The following AUTS2 variants were observed in gnomAD, a reference collection of about 807,000 sequenced individuals.
AUTS2 encodes activator of transcription and developmental regulator AUTS2.
A neutral mutation model predicts 112.4 loss-of-function variants in AUTS2; 17 were observed. The observed-to-expected ratio is 0.15, with a 90% CI of 0.10 to 0.23. The LOEUF is 0.23. Ranked by LOEUF, AUTS2 falls within the 10% of genes least tolerant of loss-of-function variation. The pLI is 1.00. For synonymous variants in AUTS2, 751 were observed against 702.7 expected (o/e 1.07, Z -1.09); for missense variants, 1,510 against 1,701.6 (o/e 0.89, Z 1.98).
intron 1 of AUTS2, among the ~76,000 whole-genome samples, chr7:69,722,012 G>C (rs1034583987): frequency 4.2e-5 from 6 of 142,832 alleles, no homozygotes; most frequent in Non-Finnish European, 9.2e-5. Context: ...GGGAAGCAGG[G>C]AAGTAGCAAT....
intron 1 of AUTS2, among the ~76,000 whole-genome samples, chr7:69,722,901 C>G (rs1799037787): frequency 6.6e-6 from 1 of 151,936 alleles, no homozygotes; most frequent in African/African-American, 2.4e-5. Flanking sequence ...CTACTCACAC[C>G]CATTTCCAGA....
chr7:70,524,247 T>C lies in AUTS2; in HGVS notation c.690+88466T>C, dbSNP rs150813076. Among the ~76,000 whole-genome samples, 1,464 of 152,302 alleles carry C rather than the reference T, an allele frequency of 9.6e-3. 16 individuals are homozygous for C. The highest frequency in any genetic ancestry group is 0.034 in the African/African-American group (1,401 of 41,558). On this transcript the variant is annotated intron_variant, in intron 5 of 18. Coordinates refer to ENST00000342771, the MANE Select transcript of AUTS2 (RefSeq NM_015570.4). ...CAGATGATCCAGTACAATCTTCACATTTTCCAGAGGCCTGGAAGTATTTCC... is the reference window on the plus strand; with the variant it reads ...CAGATGATCCAGTACAATCTTCACACTTTCCAGAGGCCTGGAAGTATTTCC...
intron 1 of AUTS2, among the ~76,000 whole-genome samples, chr7:69,766,109 C>G (rs574084878): frequency 6.6e-6 from 1 of 152,190 alleles, no homozygotes. Context: ...CGCCCATTCT[C>G]TGTTCTTCTT....
chr7:69,733,916 G>A (rs964492585), intron 1 of AUTS2, among the ~76,000 whole-genome samples: 3 of 152,108 alleles, frequency 2.0e-5, no homozygotes, highest in Non-Finnish European at 4.4e-5. Context: ...TTATGTTAAA[G>A]TCAGCGTAGT....
intron 2 of AUTS2, among the ~76,000 whole-genome samples, chr7:69,949,010 T>G (rs1796926409): frequency 6.6e-6 from 1 of 152,084 alleles, no homozygotes; most frequent in Non-Finnish European, 1.5e-5. Flanking sequence ...TTTCACCATG[T>G]TGGCCAGGCT....
intron 2 of AUTS2, among the ~76,000 whole-genome samples, chr7:69,985,508 T>A (rs917763728): frequency 6.6e-6 from 1 of 152,224 alleles, no homozygotes; most frequent in Admixed American, 6.5e-5. Flanking sequence ...CTTAAGATCC[T>A]CTAGGGCTTC....
chr7:70,513,619 T>C (rs1415303341), intron 5 of AUTS2, among the ~76,000 whole-genome samples: 1 of 152,134 alleles, frequency 6.6e-6, no homozygotes, highest in Non-Finnish European at 1.5e-5. Flanking sequence ...AACCCCCTTA[T>C]TAAGAGGAAG....
At chr7:69,763,009 G>T (rs1788261381) in intron 1 of AUTS2, among the ~76,000 whole-genome samples, 1 of 152,152 alleles carries the variant, frequency 6.6e-6, no homozygotes, top group Non-Finnish European at 1.5e-5. Flanking sequence ...ATACAAGCCT[G>T]TTAATCAAGT....
chr7:69,766,809 C>T (rs1308023800), intron 1 of AUTS2, among the ~76,000 whole-genome samples: 2 of 152,212 alleles, frequency 1.3e-5, no homozygotes, highest in Non-Finnish European at 2.9e-5. Context: ...TGCTCATCAG[C>T]TGGTGCCATG....
chr7:70,709,041 C>A (rs1161347100), intron 6 of AUTS2, among the ~76,000 whole-genome samples: 1 of 151,774 alleles, frequency 6.6e-6, no homozygotes, highest in Admixed American at 6.6e-5. Context: ...CCTCAGCCTC[C>A]CGAGTAGCTG....
chr7:70,283,092 T>C (rs1308762727), intron 4 of AUTS2, among the ~76,000 whole-genome samples: 1 of 152,180 alleles, frequency 6.6e-6, no homozygotes, highest in Admixed American at 6.5e-5. Flanking sequence ...AGCTACTGTT[T>C]GTACCATTCA....
chr7:70,787,502 C>T (rs370404743), intron 18 of AUTS2, 71 bp downstream of exon 18: 2 of 1,123,478 alleles, frequency 1.8e-6, no homozygotes, highest in African/African-American at 1.6e-5. Flanking sequence ...TGGAACTGGC[C>T]GCCCACCCTC....
At chr7:70,720,546 T>TAA (rs1786578400) in intron 6 of AUTS2, among the ~76,000 whole-genome samples, 1 of 152,162 alleles carries the variant, frequency 6.6e-6, no homozygotes, top group East Asian at 1.9e-4. Context: ...GATCTTTTTA[T>TAA]TGTACATATG....
intron 5 of AUTS2, among the ~76,000 whole-genome samples, chr7:70,693,406 C>T (rs998240324): frequency 4.6e-5 from 7 of 152,300 alleles, no homozygotes; most frequent in African/African-American, 1.7e-4. Context: ...ACAGGCTCCA[C>T]TTTTGTGGAT....
In AUTS2 at chr7:70,787,231, C is replaced by T. The variant is rs1791561594; in HGVS notation, c.2331C>T (p.His777=). Residue 777 remains histidine, a synonymous_variant, in exon 18 of 19, where the codon CAC becomes CAT. Coordinates refer to ENST00000342771, the MANE Select transcript of AUTS2 (RefSeq NM_015570.4). ...PSVTPNSMFG[H]KDGPSVQNFS... ...CAGCACCCAACTCAATGTTCGGCCACAAGGATGGCCCCAGTGTGCAGAACT... is the reference window on the plus strand; with the variant it reads ...CAGCACCCAACTCAATGTTCGGCCATAAGGATGGCCCCAGTGTGCAGAACT... The T allele has an allele frequency of 1.2e-6, 2 of 1,614,222 alleles. No homozygotes were observed. The highest frequency in any genetic ancestry group is 1.7e-6 in the Non-Finnish European group (2 of 1,180,038).
intron 4 of AUTS2, among the ~76,000 whole-genome samples, chr7:70,362,628 C>G (rs564717639): frequency 6.6e-6 from 1 of 152,040 alleles, no homozygotes; most frequent in African/African-American, 2.4e-5. Flanking sequence ...CCCTCCCTCC[C>G]TCTCTCCTTC....
intron 2 of AUTS2, among the ~76,000 whole-genome samples, chr7:69,936,049 G>A (rs1473496052): frequency 6.6e-6 from 1 of 152,178 alleles, no homozygotes; most frequent in South Asian, 2.1e-4. Flanking sequence ...TCACAATTTA[G>A]GAATTAATTT....
Position 70,790,713 on chromosome 7 carries a change from G to A in AUTS2, c.3497G>A (p.Arg1166Gln), listed in dbSNP as rs376868075. Reference sequence around the variant, plus strand: ...CTCAGAGAAGACTACGAGCACACGCGGCTCCACTCCGTGCACCCCGCCTCC... The same window carrying A: ...CTCAGAGAAGACTACGAGCACACGCAGCTCCACTCCGTGCACCCCGCCTCC... ...HMLREDYEHTRLHSVHPASLD... is the reference protein window; with the variant it reads ...HMLREDYEHTQLHSVHPASLD... The change falls in exon 19 of 19, where the codon CGG becomes CAG. Residue 1166 changes from arginine to glutamine, a missense_variant. Physicochemically the swap from Arg to Gln is conservative, Grantham distance 43. Coordinates refer to ENST00000342771, the MANE Select transcript of AUTS2 (RefSeq NM_015570.4). This position sits in a 1 kb window ranked among gnomAD's most constrained non-coding sequence, Gnocchi z 7.6. 5.6e-6 allele frequency: 9 copies of A among 1,613,538 alleles called. No homozygotes were observed. Among genetic ancestry groups the A allele is most frequent in the Non-Finnish European group, 6.8e-6 (8 of 1,179,942 alleles).
chr7:69,860,338 C>A (rs913579220), intron 1 of AUTS2, among the ~76,000 whole-genome samples: 1 of 152,038 alleles, frequency 6.6e-6, no homozygotes, highest in East Asian at 1.9e-4. Context: ...GGATTTCAAT[C>A]AGGGATTTAA....
Sources: gnomAD v4.1 joint callset for allele counts (sites outside exome capture counted in the v4.1 genomes callset) on GRCh38, gnomAD v4.1.1 for gene constraint, Gnocchi (gnomAD v3.1) non-coding constraint, MANE v1.5 for transcripts, NCBI Gene and HGNC (gene_info 2026-07-23, HGNC 2026-07-21) for gene names.